Variants in WDFY4 observed in about 807,000 individuals in gnomAD.
WDFY4 encodes WDFY family member 4, also known as WD repeat- and FYVE domain-containing protein 4.
Under a neutral mutation model 351.9 loss-of-function variants are expected in WDFY4, and 169 were observed. The ratio of observed to expected loss-of-function variants is 0.48; its 90% CI spans 0.42 to 0.55. WDFY4 has a LOEUF of 0.55. Among genes scored for constraint, WDFY4 ranks in the 20% least tolerant of loss-of-function variants. The probability of loss-of-function intolerance (pLI) is 0.00; values close to 1 mark genes in which losing one functional copy is unlikely to be tolerated. For synonymous variants in WDFY4, 1,622 were observed against 1,574.6 expected (o/e 1.03, Z -0.71); for missense variants, 3,803 against 3,935.6 (o/e 0.97, Z 0.90).
intron 17 of WDFY4, among the ~76,000 whole-genome samples, chr10:48,778,291 G>A (rs2066102230): frequency 6.6e-6 from 1 of 152,228 alleles, no homozygotes; most frequent in African/African-American, 2.4e-5. Context: ...TGATGGGAGG[G>A]CACATGGCAT....
rs575637510 is a variant in WDFY4 at position 48,694,422 on chromosome 10, C to G, written c.-18+9421C>G. Among the ~76,000 whole-genome samples the G allele has an allele frequency of 2.6e-5, 4 of 152,306 alleles. No homozygotes were observed. In the South Asian group the frequency reaches 8.3e-4, roughly 32 times the overall value. ...CTTATTTCTACTTCCCTCCTACTCC[C>G]TCTCCAAAGCCCCTGCTTCTGTGAC... On this transcript the variant is annotated intron_variant, in intron 1 of 61. Transcript: ENST00000325239.
chr10:48,975,284 GCAC>G (rs1842518361), intron 58 of WDFY4: 2 of 608,604 alleles, frequency 3.3e-6, no homozygotes, highest in Non-Finnish European at 5.7e-6. Context: ...TTTGCTGCGG[GCAC>G]CAGGGGGCTG....
chr10:48,694,194 C>T (rs2063270736), intron 1 of WDFY4, among the ~76,000 whole-genome samples: 1 of 152,142 alleles, frequency 6.6e-6, no homozygotes, highest in African/African-American at 2.4e-5. Flanking sequence ...TGTCATTTTC[C>T]TTCTCTGGGA....
chr10:48,775,755 A>G lies in WDFY4; in HGVS notation c.2812A>G (p.Thr938Ala), dbSNP rs777786608. ...LGIPSSLSAT[T>A]KILDSSHTHR... is the part of the protein sequence containing the mutation. ...AATTCCCTCATCTCTGTCGGCCACA[A>G]CAAAAATCCTTGATTCATCTCACAC... Residue 938 changes from threonine (T) to alanine (A), a missense_variant, in exon 15 of 62, where the codon ACA becomes GCA. Around this residue, in one of 3 missense-constraint regions of WDFY4, gnomAD observed 3,054 missense variants for 3,148.6 expected, o/e 0.97. Transcript: ENST00000325239. The G allele has an allele frequency of 3.2e-6, 5 of 1,551,756 alleles. No individual in the cohort carries two copies. Among genetic ancestry groups the G allele is most frequent in the African/African-American group, 1.4e-5 (1 of 73,168 alleles).
chr10:48,852,515 C>A (rs911290511), intron 39 of WDFY4, among the ~76,000 whole-genome samples: 1 of 152,162 alleles, frequency 6.6e-6, no homozygotes, highest in Non-Finnish European at 1.5e-5. Flanking sequence ...CTTAGATAAT[C>A]CACTGATGTG....
intron 47 of WDFY4, among the ~76,000 whole-genome samples, chr10:48,903,283 A>G (rs1374132410): frequency 6.6e-6 from 1 of 152,196 alleles, no homozygotes; most frequent in Non-Finnish European, 1.5e-5. Flanking sequence ...GTCGGTTTTT[A>G]TTCCAAATAG....
At chr10:48,831,478 A>G (rs1232606895) in intron 38 of WDFY4, among the ~76,000 whole-genome samples, 1 of 152,214 alleles carries the variant, frequency 6.6e-6, no homozygotes, top group East Asian at 1.9e-4. Context: ...ATACTTGTAC[A>G]TCTTCCAGAA....
At chr10:48,952,996 C>G (rs976866738) in intron 51 of WDFY4, among the ~76,000 whole-genome samples, 2 of 152,156 alleles carry the variant, frequency 1.3e-5, no homozygotes, top group African/African-American at 2.4e-5. Flanking sequence ...GCTGCCCTGA[C>G]AGTTCAGGCT....
At chr10:48,730,812 C>T (rs531267584) in intron 8 of WDFY4, among the ~76,000 whole-genome samples, 146 of 152,252 alleles carry the variant, frequency 9.6e-4, no homozygotes, top group African/African-American at 3.4e-3. Flanking sequence ...AAATAATTGT[C>T]AACAAGATAT....
chr10:48,883,043 A>G (rs560626934), intron 43 of WDFY4, among the ~76,000 whole-genome samples: 2 of 152,198 alleles, frequency 1.3e-5, no homozygotes, highest in Non-Finnish European at 2.9e-5. Context: ...GACAAGTTAC[A>G]TAACCTTTCC....
intron 13 of WDFY4, among the ~76,000 whole-genome samples, chr10:48,763,743 A>G (rs147614514): frequency 9.4e-4 from 143 of 152,382 alleles, no homozygotes; most frequent in South Asian, 9.3e-3. Context: ...TAATTTAGGA[A>G]AAGTCTAATT....
In WDFY4 at chr10:48,731,386, A is replaced by T. The variant is rs1458979924; in HGVS notation, c.1406A>T (p.Lys469Met). The T allele has an allele frequency of 1.3e-6, 2 of 1,551,640 alleles. No individual in the cohort carries two copies. The highest frequency in any genetic ancestry group is 1.2e-5 in the South Asian group (1 of 84,064). Residue 469 changes from lysine to methionine, a missense_variant, in exon 9 of 62, where the codon AAG becomes ATG. Coordinates refer to ENST00000325239, the MANE Select transcript of WDFY4 (RefSeq NM_001394531.1). ...TACGTGCCTCATGAGATCCTGCGAA[A>T]GGTACAGCATCTGATCAAGGAGAGC... ...LHYVPHEILR[K>M]VQHLIKESPG...
chr10:48,917,902 T>G (rs768822471), intron 47 of WDFY4, among the ~76,000 whole-genome samples: 13 of 152,236 alleles, frequency 8.5e-5, no homozygotes, highest in Non-Finnish European at 1.8e-4. Flanking sequence ...CACTGTGTGA[T>G]GGAGTTGTCA....
At chr10:48,884,392 G>A (rs1052925072) in intron 43 of WDFY4, 2 of 152,148 alleles carry the variant, frequency 1.3e-5, no homozygotes, top group Admixed American at 6.5e-5. Flanking sequence ...TGAGACGCTG[G>A]TTAGCATTCT....
chr10:48,740,769 C>T (rs1014775959), intron 11 of WDFY4, among the ~76,000 whole-genome samples: 2 of 152,210 alleles, frequency 1.3e-5, no homozygotes, highest in African/African-American at 4.8e-5. Flanking sequence ...ACTTGACTGC[C>T]CCCTTTAGTG....
chr10:48,698,637 C>G (rs1262058121), intron 1 of WDFY4, among the ~76,000 whole-genome samples: 2 of 152,136 alleles, frequency 1.3e-5, no homozygotes, highest in African/African-American at 4.8e-5. Context: ...TATCCACAAC[C>G]CCAAATATGG....
chr10:48,785,224 T>G (rs896086051), intron 19 of WDFY4, among the ~76,000 whole-genome samples: 9 of 152,164 alleles, frequency 5.9e-5, no homozygotes, highest in Non-Finnish European at 1.0e-4. Context: ...TATGTGTGTC[T>G]ATATATATAC....
chr10:48,866,408 G>C (rs1238815593), intron 39 of WDFY4, among the ~76,000 whole-genome samples: 1 of 152,038 alleles, frequency 6.6e-6, no homozygotes, highest in Non-Finnish European at 1.5e-5. Context: ...TCTGCTAATT[G>C]ATTTCAAATT....
At chr10:48,759,534 G>C (rs2065437565) in intron 12 of WDFY4, among the ~76,000 whole-genome samples, 1 of 152,192 alleles carries the variant, frequency 6.6e-6, no homozygotes, top group Non-Finnish European at 1.5e-5. Context: ...GAGTTTTAGA[G>C]TCTGCCTGGC....
Sources: allele counts gnomAD v4.1 joint callset (sites outside exome capture counted in the v4.1 genomes callset), GRCh38; gene constraint gnomAD v4.1.1; regional missense constraint gnomAD v4.1.1; transcripts MANE v1.5; gene names NCBI Gene and HGNC (gene_info 2026-07-23, HGNC 2026-07-21).